Variants in CECR2 observed in about 807,000 individuals in gnomAD.
The protein encoded by CECR2 is CECR2 histone acetyl-lysine reader, also known as chromatin remodeling regulator CECR2.
CECR2 carries 30 observed loss-of-function variants against 154.5 expected under a neutral mutation model. The ratio of observed to expected loss-of-function variants is 0.19; its 90% CI spans 0.15 to 0.26. The LOEUF (loss-of-function observed/expected upper bound fraction) is 0.26. Among genes scored for constraint, CECR2 ranks in the 10% least tolerant of loss-of-function variants. The probability of loss-of-function intolerance (pLI) is 1.00; values close to 1 mark genes in which losing one functional copy is unlikely to be tolerated. For missense variants in CECR2, 1,743 were observed against 1,829.3 expected (o/e 0.95, Z 0.86); for synonymous variants, 725 against 683.7 (o/e 1.06, Z -0.94).
chr22:17,485,895 A>G (rs2055412867), intron 2 of CECR2, among the ~76,000 whole-genome samples: 1 of 152,258 alleles, frequency 6.6e-6, no homozygotes, highest in Non-Finnish European at 1.5e-5. Flanking sequence ...CATAAGTGCT[A>G]TTTGGAAATA....
intron 1 of CECR2, among the ~76,000 whole-genome samples, chr22:17,363,121 C>A (rs2062985321): frequency 6.6e-6 from 1 of 151,184 alleles, no homozygotes; most frequent in East Asian, 2.0e-4. Context: ...ACCATCTTAG[C>A]TCACTGCAAC....
intron 1 of CECR2, among the ~76,000 whole-genome samples, chr22:17,436,814 A>T (rs571443726): frequency 5.3e-4 from 80 of 152,336 alleles, no homozygotes; most frequent in Non-Finnish European, 9.3e-4. Context: ...AGGGTAATTA[A>T]TGTTTCCTTA....
At chr22:17,480,999 C>T (rs2055301764) in intron 2 of CECR2, among the ~76,000 whole-genome samples, 1 of 144,982 alleles carries the variant, frequency 6.9e-6, no homozygotes, top group Non-Finnish European at 1.5e-5. Flanking sequence ...AAGATCGCAC[C>T]ATTGCACTCC....
chr22:17,447,878 T>TG (rs1441639109), intron 1 of CECR2, among the ~76,000 whole-genome samples: 5 of 136,152 alleles, frequency 3.7e-5, no homozygotes, highest in African/African-American at 1.7e-4. Flanking sequence ...TCAAGTGTTT[T>TG]TTTTTTGTTT....
chr22:17,474,822 T>G (rs2055182572), intron 1 of CECR2, among the ~76,000 whole-genome samples: 1 of 152,234 alleles, frequency 6.6e-6, no homozygotes, highest in Admixed American at 6.5e-5. Flanking sequence ...TTCTCAAATG[T>G]GGCCTTTGTT....
At chr22:17,537,899 C>T (rs932569795) in intron 10 of CECR2, among the ~76,000 whole-genome samples, 3 of 151,374 alleles carry the variant, frequency 2.0e-5, no homozygotes, top group Non-Finnish European at 4.4e-5. Context: ...GAGGCTGAGG[C>T]AGGAGAATCA....
intron 16 of CECR2, among the ~76,000 whole-genome samples, chr22:17,546,513 TTTAG>T (rs2056617067): frequency 6.7e-6 from 1 of 149,960 alleles, no homozygotes; most frequent in African/African-American, 2.5e-5. Context: ...AAAAATCCTG[TTTAG>T]TTAAGTCTAG....
chr22:17,397,752 C>T (rs1427002197), intron 1 of CECR2, among the ~76,000 whole-genome samples: 1 of 152,214 alleles, frequency 6.6e-6, no homozygotes, highest in Non-Finnish European at 1.5e-5. Flanking sequence ...CCGCCTCGGC[C>T]TCCCAAAGTG....
intron 1 of CECR2, among the ~76,000 whole-genome samples, chr22:17,455,608 C>T (rs1355371323): frequency 6.6e-6 from 1 of 152,126 alleles, no homozygotes; most frequent in Non-Finnish European, 1.5e-5. Flanking sequence ...AAACAGCACA[C>T]TGTTTTTTGT....
chr22:17,444,694 G>A lies in CECR2; in HGVS notation c.127-32894G>A, dbSNP rs551766110. ...ATACAAAATGAGAAATTGCAATAGC[G>A]TCCTTTTCACACCAAACTGAACCCA... On this transcript the variant is annotated intron_variant, in intron 1 of 18. Coordinates refer to ENST00000262608, the MANE Select transcript of CECR2 (RefSeq NM_001290047.2). 7.2e-5 allele frequency among the ~76,000 whole-genome samples: 11 copies of A among 152,192 alleles called. No homozygotes were observed. In the South Asian group the frequency reaches 1.2e-3, roughly 17 times the overall value.
chr22:17,467,301 C>G (rs557602109), intron 1 of CECR2, among the ~76,000 whole-genome samples: 2 of 152,148 alleles, frequency 1.3e-5, no homozygotes, highest in Non-Finnish European at 1.5e-5. Context: ...AGTGAACAAT[C>G]GGAACACGTG....
intron 17 of CECR2, 112 bp downstream of exon 17, chr22:17,549,676 G>A (rs543575110): frequency 1.0e-6 from 1 of 958,116 alleles, no homozygotes; most frequent in Non-Finnish European, 1.5e-6. Flanking sequence ...GCAGTGGTGT[G>A]ATCATGGCTC....
chr22:17,546,253 C>G (rs1293862829), intron 16 of CECR2, among the ~76,000 whole-genome samples: 1 of 151,246 alleles, frequency 6.6e-6, no homozygotes, highest in African/African-American at 2.4e-5. Context: ...TTTGGGAGGC[C>G]GAGGCGGGTG....
intron 1 of CECR2, among the ~76,000 whole-genome samples, chr22:17,447,991 A>G (rs757605378): frequency 1.3e-5 from 2 of 152,150 alleles, no homozygotes; most frequent in South Asian, 4.1e-4. Context: ...CCATCTTAAT[A>G]CTTTGAGATA....
intron 1 of CECR2, among the ~76,000 whole-genome samples, chr22:17,417,528 A>G (rs2054174044): frequency 6.6e-6 from 1 of 152,154 alleles, no homozygotes; most frequent in Non-Finnish European, 1.5e-5. Context: ...ATGTTGCCTC[A>G]GGCTGCCCTC....
chr22:17,484,541 C>G (rs2055386561), intron 2 of CECR2, among the ~76,000 whole-genome samples: 1 of 151,758 alleles, frequency 6.6e-6, no homozygotes, highest in Admixed American at 6.6e-5. Context: ...TTTTTTTTCC[C>G]CACCATTAAA....
chr22:17,548,058 CCTTAAT>C lies in CECR2; in HGVS notation c.2861-87_2861-82del, dbSNP rs1035691093. 3.6e-5 allele frequency: 45 copies of C among 1,233,778 alleles called. No homozygotes were observed. The African/African-American group carries it at 6.4e-4, about 17-fold the overall frequency. 76.4% of individuals were successfully genotyped at this position (1,233,778 alleles called of 1,614,324 possible). ...TGGGGCTTGAATCACCACACATCCA[CCTTAAT>C]CTGACTCAGGCATGTTCTTCACATT... On this transcript the variant is annotated intron_variant, in intron 16 of 18. Coordinates refer to ENST00000262608, the MANE Select transcript of CECR2 (RefSeq NM_001290047.2).
In CECR2 at chr22:17,537,128, G is replaced by A. The variant is rs569167921; in HGVS notation, c.1134G>A (p.Arg378=). ...ATCGAGCGAAGAGGAGAAAGCTCAG[G>A]GAAGAAAGGGCATGGCTGCTGGCTC... is the stretch of plus-strand genomic sequence containing the variant. ...VEDRAKRRKL[R]EERAWLLAQG... Residue 378 remains arginine, a synonymous_variant, in exon 10 of 19, where the codon AGG becomes AGA. Coordinates refer to ENST00000262608, the MANE Select transcript of CECR2 (RefSeq NM_001290047.2). 4.6e-5 allele frequency: 75 copies of A among 1,613,756 alleles called. 1 individual carries two copies. The South Asian group carries it at 7.7e-4, about 17-fold the overall frequency.
At chr22:17,458,499 G>A (rs1046383711) in intron 1 of CECR2, among the ~76,000 whole-genome samples, 1 of 150,014 alleles carries the variant, frequency 6.7e-6, no homozygotes, top group Admixed American at 6.6e-5. Context: ...TGGGTAAAAT[G>A]GTGCCATTGT....
Sources: allele counts gnomAD v4.1 joint callset (sites outside exome capture counted in the v4.1 genomes callset), GRCh38; gene constraint gnomAD v4.1.1; transcripts MANE v1.5; gene names NCBI Gene and HGNC (gene_info 2026-07-23, HGNC 2026-07-21).